The following PCNX2 variants were observed in gnomAD, a reference collection of about 807,000 sequenced individuals.
PCNX2 encodes pecanex 2.
In PCNX2, 168 loss-of-function variants were observed where a neutral mutation model predicts 223.8. That is an observed-to-expected ratio of 0.75 (90% confidence interval 0.66 to 0.85). PCNX2 has a LOEUF of 0.85. PCNX2 is among the 40% of genes least tolerant of loss of function. PCNX2 has a pLI of 0.00. For missense variants in PCNX2, 2,507 were observed against 2,675.5 expected (o/e 0.94, Z 1.39); for synonymous variants, 1,006 against 1,052.6 (o/e 0.96, Z 0.86).
At chr1:233,297,892 A>C (rs1164642012), upstream of PCNX2, among the ~76,000 whole-genome samples, 1 of 152,168 alleles carries the variant, frequency 6.6e-6, no homozygotes, top group East Asian at 1.9e-4. Context: ...AGGCTTAGAG[A>C]TCAATTCAAT....
chr1:233,210,164 T>C (rs746669476), intron 12 of PCNX2, among the ~76,000 whole-genome samples: 3 of 152,192 alleles, frequency 2.0e-5, no homozygotes, highest in African/African-American at 7.2e-5. Flanking sequence ...ACAAAACTTA[T>C]AGCACTGTCA....
intron 28 of PCNX2, among the ~76,000 whole-genome samples, chr1:233,011,477 G>A (rs1360994977): frequency 6.6e-6 from 1 of 152,172 alleles, no homozygotes; most frequent in African/African-American, 2.4e-5. Flanking sequence ...TGGTACATGT[G>A]CAGGACGTGC....
chr1:233,263,921 T>C (rs1660194530), intron 1 of PCNX2, among the ~76,000 whole-genome samples: 2 of 152,152 alleles, frequency 1.3e-5, no homozygotes, highest in Non-Finnish European at 2.9e-5. Context: ...CACTCCCCCA[T>C]TCCCCTCCCT....
chr1:233,068,966 T>G (rs1266906671), intron 23 of PCNX2, among the ~76,000 whole-genome samples: 1 of 152,082 alleles, frequency 6.6e-6, no homozygotes, highest in Non-Finnish European at 1.5e-5. Context: ...GAAATTCAAA[T>G]ATTGTTACTA....
At chr1:233,220,904 A>T (rs1026226390) in intron 10 of PCNX2, among the ~76,000 whole-genome samples, 1 of 152,206 alleles carries the variant, frequency 6.6e-6, no homozygotes, top group Non-Finnish European at 1.5e-5. Context: ...TATAGAGATG[A>T]TTGATTGATA....
At chr1:233,225,123 A>T (rs1446981363) in intron 10 of PCNX2, among the ~76,000 whole-genome samples, 1 of 151,144 alleles carries the variant, frequency 6.6e-6, no homozygotes, top group African/African-American at 2.4e-5. Context: ...AAAAAAAAAA[A>T]AAAAAAAAAA....
At position 233,205,861 on chromosome 1, in the gene PCNX2, T is replaced by C. The variant is rs367981939; in HGVS notation, c.2863+2657A>G. ...CTTTGCCTTTTCTGAGCGAATAAGC[T>C]AGTGAGAGGGACAGGCATTATTTTG... is the stretch of plus-strand genomic sequence containing the variant. On this transcript the variant is annotated intron_variant, in intron 13 of 33. Transcript: ENST00000258229. Among the ~76,000 whole-genome samples, 114 of 152,218 alleles carry C rather than the reference T, an allele frequency of 7.5e-4. 1 individual carries two copies. The South Asian group carries it at 0.023, about 31-fold the overall frequency.
intron 1 of PCNX2, chr1:233,291,754 T>A (rs1217128712): frequency 1.0e-6 from 1 of 978,322 alleles, no homozygotes; most frequent in Admixed American, 6.4e-5. Flanking sequence ...TTAATTATCA[T>A]CTCAAAAGAA....
intron 25 of PCNX2, among the ~76,000 whole-genome samples, chr1:233,051,966 T>C (rs1340937088): frequency 6.6e-6 from 1 of 152,256 alleles, no homozygotes; most frequent in Non-Finnish European, 1.5e-5. Flanking sequence ...ATTATTGCAC[T>C]GAAGACACTT....
chr1:232,995,502 T>C (rs189131758), intron 32 of PCNX2, among the ~76,000 whole-genome samples: 69 of 151,962 alleles, frequency 4.5e-4, no homozygotes, highest in Non-Finnish European at 7.7e-4. Flanking sequence ...TATGTGGAGG[T>C]AGATGCCCCA....
chr1:233,284,998 C>T, intron 1 of PCNX2: 1 of 985,356 alleles, frequency 1.0e-6, no homozygotes, highest in Non-Finnish European at 1.2e-6. Flanking sequence ...CTATAATGAG[C>T]AGGACCCCCT....
intron 1 of PCNX2, among the ~76,000 whole-genome samples, chr1:233,281,180 AG>A (rs1300241249): frequency 6.6e-6 from 1 of 152,228 alleles, no homozygotes; most frequent in Non-Finnish European, 1.5e-5. Flanking sequence ...TATTTGTGTC[AG>A]GGATTACTCA....
At chr1:233,045,579 C>T (rs1020170885) in intron 25 of PCNX2, among the ~76,000 whole-genome samples, 3 of 152,168 alleles carry the variant, frequency 2.0e-5, no homozygotes, top group African/African-American at 4.8e-5. Flanking sequence ...AGGCAGTCAC[C>T]ACCTCCCATT....
chr1:233,240,708 G>C (rs952248951), intron 8 of PCNX2, among the ~76,000 whole-genome samples: 1 of 152,176 alleles, frequency 6.6e-6, no homozygotes, highest in Non-Finnish European at 1.5e-5. Context: ...GCTGCCACTA[G>C]AAGGTAATAA....
intron 17 of PCNX2, among the ~76,000 whole-genome samples, chr1:233,173,366 A>G (rs1167783048): frequency 1.3e-5 from 2 of 152,108 alleles, no homozygotes; most frequent in Non-Finnish European, 2.9e-5. Context: ...GGGTTTCACC[A>G]TGTTGGCCAG....
At chr1:233,038,394 G>A (rs1174035483) in intron 25 of PCNX2, among the ~76,000 whole-genome samples, 1 of 152,160 alleles carries the variant, frequency 6.6e-6, no homozygotes, top group Admixed American at 6.5e-5. Context: ...TTAATTTGCA[G>A]TTGTATTACC....
chr1:233,220,109 G>A (rs1408264822), intron 10 of PCNX2, among the ~76,000 whole-genome samples: 5 of 152,062 alleles, frequency 3.3e-5, no homozygotes. Context: ...TCTGTGGCTT[G>A]GTGCCTCACT....
chr1:233,053,615 C>G (rs79113787), intron 25 of PCNX2, among the ~76,000 whole-genome samples: 3,865 of 152,212 alleles, frequency 0.025, 175 homozygotes, highest in African/African-American at 0.088. Context: ...AGAAAACATG[C>G]AATGAGTAAA....
intron 1 of PCNX2, among the ~76,000 whole-genome samples, chr1:233,286,053 G>A (rs1661429751): frequency 6.6e-6 from 1 of 152,018 alleles, no homozygotes; most frequent in Admixed American, 6.5e-5. Context: ...GCAAATTTCT[G>A]GGACAAAAAA....
Sources: gnomAD v4.1 joint callset for allele counts (sites outside exome capture counted in the v4.1 genomes callset) on GRCh38, gnomAD v4.1.1 for gene constraint, MANE v1.5 for transcripts, NCBI Gene and HGNC (gene_info 2026-07-23, HGNC 2026-07-21) for gene names.